The following FGF14 variants were observed in gnomAD, a reference collection of about 807,000 sequenced individuals.
FGF14 encodes fibroblast growth factor homologous factor 4.
FGF14 carries 5 observed loss-of-function variants against 25.5 expected under a neutral mutation model. That is an observed-to-expected ratio of 0.20 (90% CI 0.10 to 0.41). FGF14 has a LOEUF of 0.41. Ranked by LOEUF, FGF14 falls within the 10% of genes least tolerant of loss-of-function variation. The probability of loss-of-function intolerance (pLI) is 1.00; values close to 1 mark genes in which losing one functional copy is unlikely to be tolerated. For synonymous variants in FGF14, 138 were observed against 118.3 expected, an observed-to-expected ratio of 1.17 and a Z score of -1.08; for missense variants, 222 against 320.1, an observed-to-expected ratio of 0.69 and a Z score of 2.34.
intron 1 of FGF14, among the ~76,000 whole-genome samples, chr13:101,966,595 T>G (rs4772429): frequency 0.22 from 33,344 of 151,894 alleles, 4,041 homozygotes; most frequent in Admixed American, 0.34. Context: ...CAATTCTCCT[T>G]CCTCAGCCTC....
At chr13:101,950,751 G>GTTTTTTTTT (rs61285721) in intron 1 of FGF14, among the ~76,000 whole-genome samples, 8 of 131,970 alleles carry the variant, frequency 6.1e-5, no homozygotes, top group Non-Finnish European at 9.7e-5. Flanking sequence ...ACCTAATCAT[G>GTTTTTTTTT]TTTTTTTTTT....
chr13:101,913,606 T>C (rs772322249), intron 1 of FGF14, among the ~76,000 whole-genome samples: 2 of 152,204 alleles, frequency 1.3e-5, no homozygotes, highest in Non-Finnish European at 2.9e-5. Context: ...ATATTCTACT[T>C]GACAATGTGC....
intron 1 of FGF14, among the ~76,000 whole-genome samples, chr13:102,399,227 A>G (rs1223440570): frequency 2.6e-5 from 4 of 152,160 alleles, no homozygotes; most frequent in African/African-American, 9.7e-5. Flanking sequence ...AAAATTGTTT[A>G]CAAAAAAAAT....
chr13:101,980,189 A>G (rs954429743), intron 1 of FGF14, among the ~76,000 whole-genome samples: 1 of 152,238 alleles, frequency 6.6e-6, no homozygotes, highest in African/African-American at 2.4e-5. Context: ...AATGAAGTCT[A>G]ATTTAATTAA....
At chr13:101,765,718 T>TTATTTTATTTA (rs1555377152) in intron 3 of FGF14, among the ~76,000 whole-genome samples, 4 of 143,320 alleles carry the variant, frequency 2.8e-5, no homozygotes, top group African/African-American at 1.1e-4. Context: ...ATTATTATTA[T>TTATTTTATTTA]TTTATTTATT....
chr13:102,141,536 C>G (rs2046643969), intron 1 of FGF14, among the ~76,000 whole-genome samples: 1 of 152,120 alleles, frequency 6.6e-6, no homozygotes, highest in Non-Finnish European at 1.5e-5. Flanking sequence ...CAAAGAATAA[C>G]AGCATTTTGC....
rs999233985 is a variant in FGF14 at position 102,240,252 on chromosome 13, C to T, written c.208+161219G>A. 8.5e-5 allele frequency among the ~76,000 whole-genome samples: 13 copies of T among 152,146 alleles called. No homozygotes were observed. The East Asian group carries it at 1.5e-3, about 18-fold the overall frequency. The stretch of plus-strand genomic sequence containing the variant: ...ACAGATAAAATATCTCTATATATAG[C>T]GATCTTAATTCAAAACAGAATATAA... On this transcript the variant is annotated intron_variant, in intron 1 of 4. Coordinates refer to the FGF14 transcript ENST00000376131.
chr13:101,925,867 G>A (rs1218794531), intron 1 of FGF14, among the ~76,000 whole-genome samples: 3 of 152,290 alleles, frequency 2.0e-5, no homozygotes, highest in South Asian at 4.1e-4. Context: ...CCTTCTGGAG[G>A]CTTTGAGAGA....
chr13:101,902,149 A>G (rs762270221), intron 1 of FGF14, among the ~76,000 whole-genome samples: 6 of 152,220 alleles, frequency 3.9e-5, no homozygotes, highest in African/African-American at 7.2e-5. Context: ...AAAGAGGACC[A>G]TATACTTAGA....
At chr13:102,347,116 G>C (rs939805806) in intron 1 of FGF14, among the ~76,000 whole-genome samples, 1 of 152,130 alleles carries the variant, frequency 6.6e-6, no homozygotes, top group East Asian at 1.9e-4. Flanking sequence ...GCATGACCAT[G>C]GCCAGTTAAA....
rs1029638240 is a variant in FGF14 at position 101,717,866 on chromosome 13, A to T, written c.*4965T>A. On this transcript the variant is annotated 3_prime_UTR_variant, in exon 5 of 5. Transcript: ENST00000376143. ...ACCTCAGGTATGTCTTATTTTTCTTATAATCCTCTGTATGTTATTATCCTT... is the reference window on the plus strand; with the variant it reads ...ACCTCAGGTATGTCTTATTTTTCTTTTAATCCTCTGTATGTTATTATCCTT... The T allele has an allele frequency of 2.6e-5, 4 of 152,128 alleles. No homozygotes were observed. Among genetic ancestry groups the T allele is most frequent in the African/African-American group, 9.7e-5 (4 of 41,430 alleles). 9.4% of individuals were successfully genotyped at this position (152,128 alleles called of 1,614,324 possible).
At chr13:101,986,349 A>G (rs9513971) in intron 1 of FGF14, among the ~76,000 whole-genome samples, 63,466 of 151,924 alleles carry the variant, frequency 0.42, 14,325 homozygotes, top group East Asian at 0.7. Context: ...ATCTACTGAA[A>G]AGCTATGACA....
chr13:102,117,204 A>T (rs577781064), intron 1 of FGF14, among the ~76,000 whole-genome samples: 1 of 152,154 alleles, frequency 6.6e-6, no homozygotes, highest in Admixed American at 6.5e-5. Context: ...CTTTGCAGGG[A>T]CTATTCAGCT....
At chr13:101,768,898 T>C (rs1033289814) in intron 3 of FGF14, among the ~76,000 whole-genome samples, 8 of 152,140 alleles carry the variant, frequency 5.3e-5, no homozygotes, top group Non-Finnish European at 1.0e-4. Context: ...CTAGATGAAC[T>C]TAGGTTGTGC....
chr13:102,108,914 G>A (rs1392912216), intron 1 of FGF14, among the ~76,000 whole-genome samples: 1 of 152,020 alleles, frequency 6.6e-6, no homozygotes. Flanking sequence ...TCTTTTATAC[G>A]TATAATGTCA....
chr13:101,716,667 T>C lies in FGF14; in HGVS notation c.*6164A>G, dbSNP rs1215042683. 6 of 152,060 alleles carry C rather than the reference T, an allele frequency of 3.9e-5. No homozygotes were observed. The highest frequency in any genetic ancestry group is 1.4e-4 in the African/African-American group (6 of 41,412). 9.4% of individuals were successfully genotyped at this position (152,060 alleles called of 1,614,324 possible). On this transcript the variant is annotated 3_prime_UTR_variant, in exon 5 of 5. Transcript: ENST00000376143. ...AAAATGGGCCTGAAGTATGCATCCA[T>C]TTCCCTTAAAATACTTTTTTTTCTA...
intron 1 of FGF14, among the ~76,000 whole-genome samples, chr13:101,995,137 A>T (rs912144794): frequency 1.8e-4 from 27 of 152,168 alleles, no homozygotes; most frequent in African/African-American, 6.3e-4. Flanking sequence ...CGTTATATGT[A>T]AGTGATCATA....
intron 1 of FGF14, among the ~76,000 whole-genome samples, chr13:102,203,937 G>T (rs2049786612): frequency 6.6e-6 from 1 of 152,134 alleles, no homozygotes; most frequent in African/African-American, 2.4e-5. Context: ...TAGATAAGTG[G>T]CTTCTGACAG....
chr13:102,095,811 T>A (rs1263024099), intron 1 of FGF14, among the ~76,000 whole-genome samples: 1 of 152,140 alleles, frequency 6.6e-6, no homozygotes, highest in Non-Finnish European at 1.5e-5. Flanking sequence ...ATATACAAAA[T>A]ATGAGTTAAT....
Sources: allele counts gnomAD v4.1 joint callset (sites outside exome capture counted in the v4.1 genomes callset), GRCh38; gene constraint gnomAD v4.1.1; transcripts MANE v1.5; gene names NCBI Gene and HGNC (gene_info 2026-07-23, HGNC 2026-07-21).